The following PNPLA8 variants were observed in gnomAD, a reference collection of about 807,000 sequenced individuals.
PNPLA8 encodes patatin like domain 8, phospholipase A2.
Under a neutral mutation model 76.9 loss-of-function variants are expected in PNPLA8, and 39 were observed. The ratio of observed to expected loss-of-function variants is 0.51; its 90% CI spans 0.39 to 0.66. The LOEUF is 0.66. Ranked by LOEUF, PNPLA8 falls within the 30% of genes least tolerant of loss-of-function variation. The pLI, the probability that PNPLA8 is intolerant of heterozygous loss-of-function variation, is 0.00. For synonymous variants in PNPLA8, 301 were observed against 307.9 expected (o/e 0.98, Z 0.24); for missense variants, 887 against 918.0 (o/e 0.97, Z 0.44).
At chr7:108,504,125 G>A (rs893637966) in intron 4 of PNPLA8, among the ~76,000 whole-genome samples, 1 of 152,112 alleles carries the variant, frequency 6.6e-6, no homozygotes, top group Non-Finnish European at 1.5e-5. Flanking sequence ...ATCCAGATTT[G>A]ACCCTAACTG....
rs1861155556 is a variant in PNPLA8 at position 108,491,400 on chromosome 7, C to G, written c.1683+10G>C. On this transcript the variant is annotated intron_variant, in intron 8 of 10. Transcript: ENST00000257694. The stretch of plus-strand genomic sequence containing the variant: ...AACTAGGTGTTATATTTAAGAGACT[C>G]TAAGCTTACCTTAGGACATGTGGGG... The G allele has an allele frequency of 1.9e-6, 3 of 1,572,978 alleles. No individual in the cohort carries two copies. The highest frequency in any genetic ancestry group is 1.7e-4 in the Middle Eastern group (1 of 5,978).
intron 6 of PNPLA8, 119 bp from the exon 7 acceptor site, chr7:108,496,874 T>TG: frequency 1.4e-6 from 1 of 730,422 alleles, no homozygotes; most frequent in Non-Finnish European, 2.2e-6. Flanking sequence ...CTATGTCACC[T>TG]GGGACAAATG....
chr7:108,516,684 C>T (rs200194009), intron 2 of PNPLA8, among the ~76,000 whole-genome samples: 5 of 152,098 alleles, frequency 3.3e-5, no homozygotes, highest in Admixed American at 2.0e-4. Context: ...AGGCAGATCA[C>T]GAGGTCAGGA....
Position 108,496,745 on chromosome 7 carries a change from T to A in PNPLA8, c.1464A>T (p.Leu488Phe). The A allele has an allele frequency of 6.2e-7, 1 of 1,609,358 alleles. No homozygotes were observed. Among genetic ancestry groups the A allele is most frequent in the Non-Finnish European group, 8.5e-7 (1 of 1,177,844 alleles). The change falls in exon 7 of 11, where the codon TTA (leucine) becomes TTT (phenylalanine). Residue 488 changes from leucine (L) to phenylalanine (F), a missense_variant. Coordinates refer to ENST00000257694, the MANE Select transcript of PNPLA8 (RefSeq NM_001256007.3). Reference sequence around the variant, plus strand: ...TATGAAACAACCCCAACATGAAAGCTAATATGGCACCTGGAAAAAAGAATC... The same window carrying A: ...TATGAAACAACCCCAACATGAAAGCAAATATGGCACCTGGAAAAAAGAATC... Reference protein sequence around the residue: ...YICGVSTGAILAFMLGLFHMP... With the variant: ...YICGVSTGAIFAFMLGLFHMP...
intron 10 of PNPLA8, 136 bp downstream of exon 10, chr7:108,479,048 T>C (rs1486947753): frequency 1.0e-5 from 6 of 601,838 alleles, no homozygotes; most frequent in Non-Finnish European, 1.8e-5. Context: ...AACAACAAAA[T>C]GTTTCCTCCC....
At chr7:108,521,734 A>G (rs916976342) in intron 1 of PNPLA8, among the ~76,000 whole-genome samples, 9 of 152,196 alleles carry the variant, frequency 5.9e-5, no homozygotes, top group Non-Finnish European at 1.0e-4. Flanking sequence ...AGTCAGAGAG[A>G]AAAAACAACC....
At chr7:108,478,294 T>C (rs887157753) in intron 10 of PNPLA8, among the ~76,000 whole-genome samples, 3 of 151,996 alleles carry the variant, frequency 2.0e-5, no homozygotes, top group African/African-American at 7.2e-5. Flanking sequence ...CTTAGCAAGT[T>C]TGGTGACCAC....
At chr7:108,505,198 C>T (rs867044053) in intron 4 of PNPLA8, among the ~76,000 whole-genome samples, 1 of 147,434 alleles carries the variant, frequency 6.8e-6, no homozygotes, top group African/African-American at 2.5e-5. Context: ...TTTTAAAAGT[C>T]AGGACTTCTG....
At chr7:108,527,288 T>G (rs575911876), upstream of PNPLA8, among the ~76,000 whole-genome samples, 1 of 152,284 alleles carries the variant, frequency 6.6e-6, no homozygotes, top group African/African-American at 2.4e-5. Flanking sequence ...TTTTTTTAAA[T>G]CAAGGAGGGA....
At chr7:108,517,785 A>G (rs1863448378) in intron 2 of PNPLA8, among the ~76,000 whole-genome samples, 1 of 152,088 alleles carries the variant, frequency 6.6e-6, no homozygotes, top group Non-Finnish European at 1.5e-5. Flanking sequence ...TGTGTGTTTT[A>G]TAGAGACAGG....
chr7:108,512,900 T>C (rs1050485251), intron 4 of PNPLA8, among the ~76,000 whole-genome samples: 1 of 152,198 alleles, frequency 6.6e-6, no homozygotes, highest in Non-Finnish European at 1.5e-5. Context: ...CAAGACTATT[T>C]AAACTGCAAC....
intron 2 of PNPLA8, among the ~76,000 whole-genome samples, chr7:108,515,790 A>C (rs558145722): frequency 3.3e-5 from 5 of 152,352 alleles, no homozygotes; most frequent in South Asian, 4.1e-4. Context: ...GAGGAATAGA[A>C]TGTTTAGGGA....
chr7:108,502,921 T>A (rs1862071939), intron 4 of PNPLA8: 1 of 221,312 alleles, frequency 4.5e-6, no homozygotes, highest in African/African-American at 2.3e-5. Context: ...TTATAGAAAT[T>A]TACAAATTAT....
At position 108,479,340 on chromosome 7, in the gene PNPLA8, T is replaced by C. The variant is rs761303724; in HGVS notation, c.1918A>G (p.Met640Val). 10 of 1,613,596 alleles carry C rather than the reference T, an allele frequency of 6.2e-6. No homozygotes were observed. The highest frequency in any genetic ancestry group is 7.6e-6 in the Non-Finnish European group (9 of 1,179,724). Reference protein sequence around the residue: ...LLLNNPSALAMHECKCLWPDV... With the variant: ...LLLNNPSALAVHECKCLWPDV... ...GGCCAAAGACATTTACACTCATGCA[T>C]AGCTAATGCCGAAGGGTTATTCAGA... is the stretch of plus-strand genomic sequence containing the variant. Residue 640 changes from methionine (M) to valine (V), a missense_variant, in exon 10 of 11, where the codon ATG becomes GTG. By Grantham distance (21) the Met-to-Val change is conservative. Coordinates refer to ENST00000257694, the MANE Select transcript of PNPLA8 (RefSeq NM_001256007.3).
In PNPLA8 at chr7:108,495,490, T is replaced by C. The variant is rs117165773; in HGVS notation, c.1625+1094A>G. 4.9e-4 allele frequency among the ~76,000 whole-genome samples: 75 copies of C among 152,254 alleles called. 1 individual carries two copies. The East Asian group carries it at 0.011, about 22-fold the overall frequency. ...ATACACTTGTCTATCTGTAAGAAAT[T>C]ACACAAAAAACACATCACCATGTTA... On this transcript the variant is annotated intron_variant, in intron 7 of 10. Transcript: ENST00000257694.
intron 10 of PNPLA8, among the ~76,000 whole-genome samples, chr7:108,478,653 A>G (rs1038443384): frequency 5.3e-5 from 8 of 152,096 alleles, no homozygotes; most frequent in Admixed American, 4.6e-4. Flanking sequence ...CGGCCTCCCA[A>G]AGTGCTGGGA....
chr7:108,489,575 GT>G (rs1860991412), intron 8 of PNPLA8, among the ~76,000 whole-genome samples: 1 of 152,168 alleles, frequency 6.6e-6, no homozygotes, highest in Non-Finnish European at 1.5e-5. Context: ...CATGTCATCT[GT>G]GTGATTATTT....
At chr7:108,475,616 C>T (rs910398825) in intron 10 of PNPLA8, among the ~76,000 whole-genome samples, 1 of 152,126 alleles carries the variant, frequency 6.6e-6, no homozygotes, top group Non-Finnish European at 1.5e-5. Flanking sequence ...ATAGTTTTCA[C>T]TGTTCAGATC....
At chr7:108,525,113 A>T (rs1863989460) in intron 1 of PNPLA8, among the ~76,000 whole-genome samples, 1 of 152,226 alleles carries the variant, frequency 6.6e-6, no homozygotes, top group South Asian at 2.1e-4. Flanking sequence ...GAAAAAGTTG[A>T]TTATAATTAC....
Sources: gnomAD v4.1 joint callset for allele counts (sites outside exome capture counted in the v4.1 genomes callset) on GRCh38, gnomAD v4.1.1 for gene constraint, MANE v1.5 for transcripts, NCBI Gene and HGNC (gene_info 2026-07-23, HGNC 2026-07-21) for gene names.